The following CNTN5 variants were observed in gnomAD, a reference collection of about 807,000 sequenced individuals.
The protein encoded by CNTN5 is contactin 5.
A neutral mutation model predicts 129.1 loss-of-function variants in CNTN5; 77 were observed. The ratio of observed to expected loss-of-function variants is 0.60; its 90% confidence interval spans 0.50 to 0.72. The LOEUF (loss-of-function observed/expected upper bound fraction) is 0.72, where lower values mean the gene tolerates loss of function less well. Ranked by LOEUF, CNTN5 falls within the 30% of genes least tolerant of loss-of-function variation. The probability of loss-of-function intolerance (pLI) is 0.00; values close to 1 mark genes in which losing one functional copy is unlikely to be tolerated. For missense variants in CNTN5, 1,478 were observed against 1,328.8 expected (o/e 1.11, Z -1.75); for synonymous variants, 509 against 465.6 (o/e 1.09, Z -1.20).
chr11:99,139,568 T>TA (rs1223272485), intron 1 of CNTN5, among the ~76,000 whole-genome samples: 4 of 152,222 alleles, frequency 2.6e-5, no homozygotes, highest in Non-Finnish European at 4.4e-5. Context: ...TAATAGCACT[T>TA]ACAGGGTTAA....
rs368209903 is a variant in CNTN5, at chr11:99,711,117, ATTT to A, written c.56-108424_56-108422del. Reference sequence around the variant, plus strand: ...TTTCCCGACAGAATCGTTTCAAAACATTTTTGATTGTTCCTTCACCTTACAAAA... The same window carrying A: ...TTTCCCGACAGAATCGTTTCAAAACATTGATTGTTCCTTCACCTTACAAAA... On this transcript the variant is annotated intron_variant, in intron 3 of 24. Transcript: ENST00000524871. Among the ~76,000 whole-genome samples the A allele has an allele frequency of 1.9e-4, 29 of 152,050 alleles. 1 individual carries two copies. The East Asian group carries it at 5.6e-3, about 30-fold the overall frequency.
At chr11:100,177,938 C>T (rs1948021917) in intron 13 of CNTN5, among the ~76,000 whole-genome samples, 1 of 152,082 alleles carries the variant, frequency 6.6e-6, no homozygotes, top group African/African-American at 2.4e-5. Flanking sequence ...CATCCCCACC[C>T]TGTACTCAGC....
intron 1 of CNTN5, among the ~76,000 whole-genome samples, chr11:99,306,567 C>G (rs941340193): frequency 2.3e-4 from 35 of 151,858 alleles, no homozygotes; most frequent in African/African-American, 8.0e-4. Context: ...ATGAATTTCT[C>G]TAACTTTTAG....
At chr11:99,241,550 A>G (rs942065775) in intron 1 of CNTN5, among the ~76,000 whole-genome samples, 1 of 152,092 alleles carries the variant, frequency 6.6e-6, no homozygotes, top group Non-Finnish European at 1.5e-5. Context: ...CATTAGTTAT[A>G]AGGTTACATA....
At chr11:99,820,140 G>A (rs1464727576) in intron 4 of CNTN5, among the ~76,000 whole-genome samples, 1 of 137,206 alleles carries the variant, frequency 7.3e-6, no homozygotes, top group African/African-American at 2.6e-5. Flanking sequence ...AGCCTGTGTT[G>A]GTTGTAAGTT....
chr11:99,836,014 T>C (rs1947290278), intron 4 of CNTN5, among the ~76,000 whole-genome samples: 1 of 151,682 alleles, frequency 6.6e-6, no homozygotes, highest in African/African-American at 2.4e-5. Flanking sequence ...AGTAAAGAAA[T>C]AAAAGAATGG....
chr11:100,181,891 A>G (rs949261503), intron 13 of CNTN5, among the ~76,000 whole-genome samples: 1 of 152,066 alleles, frequency 6.6e-6, no homozygotes, highest in Admixed American at 6.6e-5. Context: ...TGTCTTCTTC[A>G]TGAGTTATAT....
intron 2 of CNTN5, among the ~76,000 whole-genome samples, chr11:99,533,425 T>C (rs1419442406): frequency 6.6e-6 from 1 of 152,250 alleles, no homozygotes; most frequent in Non-Finnish European, 1.5e-5. Flanking sequence ...TGTATTTTGA[T>C]TGGTCAATGT....
chr11:99,317,073 G>A (rs1349479009), intron 1 of CNTN5, among the ~76,000 whole-genome samples: 1 of 152,148 alleles, frequency 6.6e-6, no homozygotes, highest in African/African-American at 2.4e-5. Flanking sequence ...GACTTCAGTT[G>A]GCTATGTCCT....
chr11:99,081,538 A>G (rs1423052898), intron 1 of CNTN5, among the ~76,000 whole-genome samples: 1 of 152,178 alleles, frequency 6.6e-6, no homozygotes, highest in Non-Finnish European at 1.5e-5. Flanking sequence ...TCAATCTCAT[A>G]CCTAAACAAT....
intron 2 of CNTN5, among the ~76,000 whole-genome samples, chr11:99,469,176 A>C (rs1323344020): frequency 2.0e-5 from 3 of 152,154 alleles, no homozygotes; most frequent in Non-Finnish European, 4.4e-5. Context: ...CCATATTTAA[A>C]ATCTTAGTAT....
chr11:100,291,677 A>T (rs1950976533), intron 18 of CNTN5, among the ~76,000 whole-genome samples: 1 of 151,518 alleles, frequency 6.6e-6, no homozygotes, highest in Admixed American at 6.6e-5. Flanking sequence ...GGTGCAGCGC[A>T]CCAGCATGGC....
chr11:99,307,721 A>G (rs1864936298), intron 1 of CNTN5, among the ~76,000 whole-genome samples: 1 of 152,090 alleles, frequency 6.6e-6, no homozygotes, highest in Non-Finnish European at 1.5e-5. Flanking sequence ...GAGTCTAACC[A>G]TTGATTTTAA....
In CNTN5 at chr11:100,002,017, T is replaced by A. The variant is rs760424857; in HGVS notation, c.878-17T>A. 31 of 1,500,868 alleles carry A rather than the reference T, an allele frequency of 2.1e-5. No homozygotes were observed. The highest frequency in any genetic ancestry group is 2.1e-5 in the Non-Finnish European group (23 of 1,099,130). 93.0% of individuals were successfully genotyped at this position (1,500,868 alleles called of 1,614,324 possible). A position where few individuals can be genotyped will look rare whatever the true frequency, so the allele number is the denominator to read the frequency against. ...TAACATTCATTTGATGCTTAAAGAC[T>A]ATTCTTTCTTTCTAAGGTGTGATGG... On this transcript the variant is annotated splice_polypyrimidine_tract_variant and intron_variant, in intron 8 of 24. Transcript: ENST00000524871.
intron 3 of CNTN5, among the ~76,000 whole-genome samples, chr11:99,780,610 T>C (rs1340728097): frequency 1.3e-5 from 2 of 152,062 alleles, no homozygotes; most frequent in Non-Finnish European, 2.9e-5. Context: ...AAGGATTAGC[T>C]CTAAAATCTA....
chr11:99,979,056 T>C (rs1938176769), intron 8 of CNTN5, among the ~76,000 whole-genome samples: 1 of 152,182 alleles, frequency 6.6e-6, no homozygotes, highest in Admixed American at 6.5e-5. Flanking sequence ...TCTCTCTCCT[T>C]TTGAAATTGA....
chr11:99,826,258 A>G (rs1177235864), intron 4 of CNTN5, among the ~76,000 whole-genome samples: 1 of 152,130 alleles, frequency 6.6e-6, no homozygotes, highest in East Asian at 1.9e-4. Flanking sequence ...TGTCTTTAAA[A>G]TGTCTTATAA....
chr11:99,116,326 G>A (rs929344303), intron 1 of CNTN5, among the ~76,000 whole-genome samples: 4 of 152,096 alleles, frequency 2.6e-5, no homozygotes, highest in African/African-American at 7.2e-5. Flanking sequence ...GTGAATAGTA[G>A]ATTAACAGTG....
At chr11:99,710,547 TTGTG>T (rs71050017) in intron 3 of CNTN5, among the ~76,000 whole-genome samples, 59 of 145,982 alleles carry the variant, frequency 4.0e-4, no homozygotes, top group Middle Eastern at 3.5e-3. Flanking sequence ...CTGCTCTAGA[TTGTG>T]TGTGTGTGTG....
Sources: allele counts gnomAD v4.1 joint callset (sites outside exome capture counted in the v4.1 genomes callset), GRCh38; gene constraint gnomAD v4.1.1; transcripts MANE v1.5; gene names NCBI Gene and HGNC (gene_info 2026-07-23, HGNC 2026-07-21).